Variants in WTAP observed in about 807,000 individuals in gnomAD.
WTAP encodes WT1 associated protein.
WTAP carries 8 observed loss-of-function variants against 50.0 expected under a neutral mutation model. The ratio of observed to expected loss-of-function variants is 0.16; its 90% CI spans 0.09 to 0.29. The LOEUF (loss-of-function observed/expected upper bound fraction) is 0.29, where lower values mean the gene tolerates loss of function less well. Ranked by LOEUF, WTAP falls within the 10% of genes least tolerant of loss-of-function variation. The pLI, the probability that WTAP is intolerant of heterozygous loss-of-function variation, is 1.00. For synonymous variants in WTAP, 194 were observed against 169.0 expected (o/e 1.15, Z -1.15); for missense variants, 295 against 470.7 (o/e 0.63, Z 3.45).
chr6:159,748,133 A>C lies in WTAP; in HGVS notation c.274-58A>C. The C allele has an allele frequency of 2.6e-6, 4 of 1,539,406 alleles. No homozygotes were observed. Among genetic ancestry groups the C allele is most frequent in the Non-Finnish European group, 3.5e-6 (4 of 1,135,196 alleles). On this transcript the variant is annotated intron_variant, in intron 5 of 7. Transcript: ENST00000621533. The surrounding 1 kb of genome is among the most constrained non-coding windows in gnomAD (Gnocchi z 5.6). ...CAAGTGAATGGAGGGAGTTTTCCCCACCTTCTTATGTATGTTTCCTTTGAT... is the reference window on the plus strand; with the variant it reads ...CAAGTGAATGGAGGGAGTTTTCCCCCCCTTCTTATGTATGTTTCCTTTGAT...
chr6:159,754,858 CTCAG>C (rs944533044), intron 7 of WTAP, among the ~76,000 whole-genome samples, 166 bp from the exon 8 acceptor site: 1 of 152,114 alleles, frequency 6.6e-6, no homozygotes, highest in African/African-American at 2.4e-5. Flanking sequence ...CCAAAACAAA[CTCAG>C]TCATATTTTA....
Position 159,727,714 on chromosome 6 carries a change from G to A in WTAP, c.-9+11G>A. 1 of 985,582 alleles carries A rather than the reference G, an allele frequency of 1.0e-6. No homozygotes were observed. The highest frequency in any genetic ancestry group is 1.2e-6 in the Non-Finnish European group (1 of 830,146). The allele number at this position is 985,582 out of a possible 1,614,324, so 61.1% of individuals were successfully genotyped here. On this transcript the variant is annotated intron_variant, in intron 1 of 7. Transcript: ENST00000621533. ...CTTCTGCCTGGAGAGGTAGGCGCGGGCCGGCTGGCGGGAGCGGACGCGGGG... is the reference window on the plus strand; with the variant it reads ...CTTCTGCCTGGAGAGGTAGGCGCGGACCGGCTGGCGGGAGCGGACGCGGGG...
intron 6 of WTAP, chr6:159,749,291 C>A (rs1779736039): frequency 1.0e-6 from 1 of 985,606 alleles, no homozygotes; most frequent in Admixed American, 6.2e-5. Context: ...TTTATGAAAT[C>A]CCCGTTCCAT....
chr6:159,756,183 G>GT lies in WTAP; in HGVS notation c.*575dup, dbSNP rs926463236. ...CTGTGCATTTTCTCTTTAGGTGACT[G>GT]TTTAAGAAATTTGTGTGCATAGTTA... On this transcript the variant is annotated 3_prime_UTR_variant, in exon 8 of 8. Coordinates refer to ENST00000621533, the MANE Select transcript of WTAP (RefSeq NM_001270531.2). 6.5e-6 allele frequency: 1 copy of GT among 152,846 alleles called. No individual in the cohort carries two copies. Among genetic ancestry groups the GT allele is most frequent in the African/African-American group, 2.4e-5 (1 of 41,412 alleles). 9.5% of individuals were successfully genotyped at this position (152,846 alleles called of 1,614,324 possible).
At chr6:159,752,299 C>T (rs1343727355) in intron 6 of WTAP, among the ~76,000 whole-genome samples, 1 of 152,126 alleles carries the variant, frequency 6.6e-6, no homozygotes, top group Non-Finnish European at 1.5e-5. Context: ...ATCCAAGTCT[C>T]AAAGGTAAAT....
At chr6:159,749,007 A>G (rs1339941909) in intron 6 of WTAP, 2 of 1,014,584 alleles carry the variant, frequency 2.0e-6, no homozygotes, top group Non-Finnish European at 2.4e-6. Flanking sequence ...CAAATAATAG[A>G]TGTCCGTACA....
chr6:159,752,758 TCC>T (rs1779868877), intron 6 of WTAP, among the ~76,000 whole-genome samples: 2 of 152,186 alleles, frequency 1.3e-5, no homozygotes, highest in South Asian at 4.1e-4. Context: ...CTTCCCTCTC[TCC>T]TCCTCTTTTT....
chr6:159,743,390 T>C (rs1779379651), intron 4 of WTAP, among the ~76,000 whole-genome samples: 1 of 152,232 alleles, frequency 6.6e-6, no homozygotes, highest in Non-Finnish European at 1.5e-5. Flanking sequence ...AATCAGGATT[T>C]TGTGAATACT....
chr6:159,745,818 T>G (rs1030614869), intron 5 of WTAP, among the ~76,000 whole-genome samples: 1 of 152,142 alleles, frequency 6.6e-6, no homozygotes, highest in Non-Finnish European at 1.5e-5. Flanking sequence ...ATAGTTCAGA[T>G]GAAATACATG....
intron 7 of WTAP, among the ~76,000 whole-genome samples, chr6:159,754,683 T>TA (rs1182386499): frequency 3.3e-5 from 5 of 152,312 alleles, no homozygotes; most frequent in Non-Finnish European, 7.4e-5. Context: ...AGGAAAATAG[T>TA]TATTTTACTG....
At chr6:159,753,737 T>G in intron 7 of WTAP, 123 bp downstream of exon 7, 1 of 1,225,772 alleles carries the variant, frequency 8.2e-7, no homozygotes, top group Non-Finnish European at 1.1e-6. Flanking sequence ...TGATTGTATA[T>G]TATTGTGAGT....
At chr6:159,727,009 C>G (rs1281111231), upstream of WTAP, 1 of 1,248,766 alleles carries the variant, frequency 8.0e-7, no homozygotes, top group African/African-American at 1.6e-5. Context: ...TCCCTCCGCA[C>G]GAGGCAGCCC....
chr6:159,747,413 C>T (rs532576633), intron 5 of WTAP, among the ~76,000 whole-genome samples: 10 of 152,202 alleles, frequency 6.6e-5, no homozygotes, highest in Admixed American at 6.5e-4. Context: ...TCAAAATAAG[C>T]AGTTTGGATT....
chr6:159,744,370 T>G (rs965280529), intron 5 of WTAP, among the ~76,000 whole-genome samples: 2 of 152,226 alleles, frequency 1.3e-5, no homozygotes, highest in African/African-American at 4.8e-5. Context: ...TAGAGGCAGC[T>G]GTATCCTTGT....
intron 2 of WTAP, chr6:159,736,608 C>A (rs1489252811): frequency 4.4e-6 from 1 of 227,080 alleles, no homozygotes; most frequent in Non-Finnish European, 8.5e-6. Flanking sequence ...TAAATATTTC[C>A]AGGTACATAT....
upstream of WTAP, chr6:159,727,408 T>C: frequency 3.6e-6 from 2 of 553,380 alleles, no homozygotes; most frequent in East Asian, 8.9e-5. Context: ...CGGGAGGCAG[T>C]GGCGCTGGCC....
chr6:159,744,545 C>G (rs1583093939), intron 5 of WTAP, among the ~76,000 whole-genome samples: 1 of 152,246 alleles, frequency 6.6e-6, no homozygotes, highest in East Asian at 1.9e-4. Flanking sequence ...TTTCTTTTGC[C>G]AATAGAATGT....
chr6:159,742,328 T>C (rs1248627890), intron 4 of WTAP, among the ~76,000 whole-genome samples, 182 bp downstream of exon 4: 1 of 152,188 alleles, frequency 6.6e-6, no homozygotes, highest in African/African-American at 2.4e-5. Flanking sequence ...GTCTCAGTCA[T>C]TGGAGAAGAC....
intron 1 of WTAP, among the ~76,000 whole-genome samples, chr6:159,728,825 G>A (rs374273668): frequency 6.6e-6 from 1 of 152,184 alleles, no homozygotes; most frequent in Admixed American, 6.5e-5. Context: ...GCTTTTATAT[G>A]TTAAGGTATC....
Sources: allele counts gnomAD v4.1 joint callset (sites outside exome capture counted in the v4.1 genomes callset), GRCh38; gene constraint gnomAD v4.1.1; non-coding constraint Gnocchi (gnomAD v3.1); transcripts MANE v1.5; gene names NCBI Gene and HGNC (gene_info 2026-07-23, HGNC 2026-07-21).